NCEH1: variants seen among roughly 807,000 people sequenced by gnomAD.
NCEH1 encodes 2-acetyl MAGE hydrolase.
A neutral mutation model predicts 25.4 loss-of-function variants in NCEH1; 9 were observed. The ratio of observed to expected loss-of-function variants is 0.35; its 90% CI spans 0.21 to 0.62. The LOEUF (loss-of-function observed/expected upper bound fraction) is 0.62, where lower values mean the gene tolerates loss of function less well. Among genes scored for constraint, NCEH1 ranks in the 20% least tolerant of loss-of-function variants. NCEH1 has a pLI of 0.72. For synonymous variants in NCEH1, 200 were observed against 199.8 expected, an observed-to-expected ratio of 1.00 and a Z score of -0.01; for missense variants, 412 against 501.1, an observed-to-expected ratio of 0.82 and a Z score of 1.70.
chr3:172,670,389 G>A (rs1312517607), intron 1 of NCEH1, among the ~76,000 whole-genome samples: 1 of 152,196 alleles, frequency 6.6e-6, no homozygotes, highest in Non-Finnish European at 1.5e-5. Flanking sequence ...TAAAGTGAAT[G>A]TCTTTTCTAA....
chr3:172,647,510 C>A (rs566931443), intron 2 of NCEH1, among the ~76,000 whole-genome samples: 76 of 152,218 alleles, frequency 5.0e-4, no homozygotes, highest in African/African-American at 1.8e-3. Context: ...CAGATAATTC[C>A]CCATATGCGT....
intron 1 of NCEH1, among the ~76,000 whole-genome samples, chr3:172,689,997 G>A (rs986985512): frequency 2.3e-4 from 34 of 149,734 alleles, no homozygotes; most frequent in Non-Finnish European, 2.1e-4. Context: ...TCCGCCTCCC[G>A]GGTTCACGCC....
intron 1 of NCEH1, among the ~76,000 whole-genome samples, chr3:172,673,836 A>G (rs904807158): frequency 1.3e-5 from 2 of 152,228 alleles, no homozygotes; most frequent in Non-Finnish European, 2.9e-5. Flanking sequence ...GCCACTTCTC[A>G]GCCGCATACT....
intron 3 of NCEH1, among the ~76,000 whole-genome samples, chr3:172,642,969 G>A (rs189634784): frequency 1.2e-3 from 183 of 152,056 alleles, no homozygotes; most frequent in Non-Finnish European, 2.0e-3. Flanking sequence ...ACAGAGTTTC[G>A]CTTTTGTTGC....
At chr3:172,644,015 C>T (rs1354828757) in intron 3 of NCEH1, among the ~76,000 whole-genome samples, 1 of 152,192 alleles carries the variant, frequency 6.6e-6, no homozygotes, top group Non-Finnish European at 1.5e-5. Context: ...TGCTGAGAGT[C>T]CAGAAAGGTC....
chr3:172,671,278 G>C (rs1274298704), intron 1 of NCEH1, among the ~76,000 whole-genome samples: 1 of 152,148 alleles, frequency 6.6e-6, no homozygotes, highest in African/African-American at 2.4e-5. Context: ...TATGGAGATG[G>C]AAAGATCAGT....
chr3:172,664,683 C>T (rs1421590007), intron 1 of NCEH1, among the ~76,000 whole-genome samples: 1 of 152,166 alleles, frequency 6.6e-6, no homozygotes, highest in African/African-American at 2.4e-5. Context: ...CTCTAAACTT[C>T]TCTTCTTGCT....
At position 172,710,900 on chromosome 3, in the gene NCEH1, C is replaced by T; in HGVS notation, c.85G>A (p.Asp29Asn). 6.2e-7 allele frequency: 1 copy of T among 1,614,146 alleles called. No homozygotes were observed. The highest frequency in any genetic ancestry group is 8.5e-7 in the Non-Finnish European group (1 of 1,180,038). ...VYIPLPGSVS[D>N]PWKLMLLDAT... ...TCCAGCAGCATCAGCTTCCAGGGGT[C>T]GGACACGGAGCCAGGCAGCGGGATG... Residue 29 changes from aspartate (D) to asparagine (N), a missense_variant, in exon 1 of 5, where the codon GAC becomes AAC. Transcript: ENST00000475381.
rs778924157 is a variant in NCEH1 at position 172,633,450 on chromosome 3, C to G, written c.*25G>C. 4 of 1,596,624 alleles carry G rather than the reference C, an allele frequency of 2.5e-6. No individual in the cohort carries two copies. Among genetic ancestry groups the G allele is most frequent in the Non-Finnish European group, 2.6e-6 (3 of 1,170,464 alleles). On this transcript the variant is annotated 3_prime_UTR_variant, in exon 5 of 5. Coordinates refer to ENST00000475381, the MANE Select transcript of NCEH1 (RefSeq NM_020792.6). The stretch of plus-strand genomic sequence containing the variant: ...CAGGTGTAGGAGGTCAAGAGGGGCT[C>G]GAGGCTTCTGGAAGTTTTGCTCCTT...
At chr3:172,662,657 T>TA (rs1446244280) in intron 1 of NCEH1, among the ~76,000 whole-genome samples, 18 of 152,358 alleles carry the variant, frequency 1.2e-4, no homozygotes, top group Middle Eastern at 3.4e-3. Flanking sequence ...GTTATTGGTC[T>TA]ATTCAGGGAT....
Position 172,698,140 on chromosome 3 carries a change from C to G in NCEH1, c.138+12707G>C, listed in dbSNP as rs1380287022. Among the ~76,000 whole-genome samples the G allele has an allele frequency of 2.0e-5, 3 of 152,020 alleles. No homozygotes were observed. In the East Asian group the frequency reaches 5.8e-4, roughly 29 times the overall value. ...TACAGGCACCCGCCACCATGCCCGG[C>G]TAATTTTTGTATTTTTAGTAGAGAT... On this transcript the variant is annotated intron_variant, in intron 1 of 4. Coordinates refer to ENST00000475381, the MANE Select transcript of NCEH1 (RefSeq NM_020792.6).
rs775827843 is a variant in NCEH1, at chr3:172,710,993, G to A, written c.-9C>T. The A allele has an allele frequency of 2.7e-5, 44 of 1,613,694 alleles. No homozygotes were observed. Among genetic ancestry groups the A allele is most frequent in the Non-Finnish European group, 3.7e-5 (44 of 1,179,810 alleles). ...ACACAGGACGACCTCATCTTGCCCT[G>A]GCTCGGCTCGCCAGCGGGCTGGCAA... On this transcript the variant is annotated 5_prime_UTR_variant, in exon 1 of 5. Coordinates refer to ENST00000475381, the MANE Select transcript of NCEH1 (RefSeq NM_020792.6).
intron 3 of NCEH1, among the ~76,000 whole-genome samples, chr3:172,641,574 C>T (rs1716855054): frequency 6.6e-6 from 1 of 152,216 alleles, no homozygotes; most frequent in Non-Finnish European, 1.5e-5. Flanking sequence ...TCTAGAGGGC[C>T]TCAAGGCAAG....
chr3:172,699,952 A>G (rs990437591), intron 1 of NCEH1, among the ~76,000 whole-genome samples: 2 of 152,210 alleles, frequency 1.3e-5, no homozygotes, highest in African/African-American at 2.4e-5. Flanking sequence ...ACAATAAATT[A>G]TACGGCTACC....
intron 3 of NCEH1, among the ~76,000 whole-genome samples, chr3:172,642,465 T>C (rs1332831326): frequency 4.0e-5 from 6 of 151,888 alleles, no homozygotes; most frequent in Non-Finnish European, 8.8e-5. Flanking sequence ...TGTGAGCCAC[T>C]ACACCAGGCC....
rs756831000 is a variant in NCEH1 at position 172,710,831 on chromosome 3, C to G, written c.138+16G>C. Reference sequence around the variant, plus strand: ...TAAGAGGAGGAAGAGAGAAGCAGCGCTGGGCTGCACCTCACCACTTGCTGT... The same window carrying G: ...TAAGAGGAGGAAGAGAGAAGCAGCGGTGGGCTGCACCTCACCACTTGCTGT... On this transcript the variant is annotated intron_variant, in intron 1 of 4. Transcript: ENST00000475381. 1.2e-6 allele frequency: 2 copies of G among 1,613,626 alleles called. No homozygotes were observed.
rs138413638 is a variant in NCEH1, at chr3:172,695,248, T to A, written c.138+15599A>T. On this transcript the variant is annotated intron_variant, in intron 1 of 4. Coordinates refer to ENST00000475381, the MANE Select transcript of NCEH1 (RefSeq NM_020792.6). Reference sequence around the variant, plus strand: ...TAAGTACTTCTTCACTACCTTCACATTGAGGCAAGGTCACCTGCCATTAGG... The same window carrying A: ...TAAGTACTTCTTCACTACCTTCACAATGAGGCAAGGTCACCTGCCATTAGG... Among the ~76,000 whole-genome samples, 368 of 152,330 alleles carry A rather than the reference T, an allele frequency of 2.4e-3. 2 individuals carry two copies. The highest frequency in any genetic ancestry group is 8.5e-3 in the African/African-American group (352 of 41,578).
chr3:172,642,603 C>CAAAAAAAAAAAAAAAAAAAAA (rs66551744), intron 3 of NCEH1, among the ~76,000 whole-genome samples: 1 of 83,904 alleles, frequency 1.2e-5, no homozygotes, highest in Non-Finnish European at 2.3e-5. Flanking sequence ...GCTATTTCTA[C>CAAAAAAAAAAAAAAAAAAAAA]AAAAAAAAAA....
chr3:172,643,865 G>A (rs1315637453), intron 3 of NCEH1, among the ~76,000 whole-genome samples: 4 of 152,136 alleles, frequency 2.6e-5, no homozygotes, highest in African/African-American at 4.8e-5. Context: ...CCTCAACACC[G>A]AGCTGTAGGG....
Sources: gnomAD v4.1 joint callset for allele counts (sites outside exome capture counted in the v4.1 genomes callset) on GRCh38, gnomAD v4.1.1 for gene constraint, MANE v1.5 for transcripts, NCBI Gene and HGNC (gene_info 2026-07-23, HGNC 2026-07-21) for gene names.